Variants in MARCHF8 observed in about 807,000 individuals in gnomAD.
MARCHF8 encodes E3 ubiquitin-protein ligase MARCHF8.
In MARCHF8, 40 loss-of-function variants were observed where a neutral mutation model predicts 51.6. The ratio of observed to expected loss-of-function variants is 0.77; its 90% CI spans 0.60 to 1.01. MARCHF8 has a LOEUF of 1.01. Ranked by LOEUF, MARCHF8 falls within the 50% of genes least tolerant of loss-of-function variation. The probability of loss-of-function intolerance (pLI) is 0.00; values close to 1 mark genes in which losing one functional copy is unlikely to be tolerated. For missense variants in MARCHF8, 685 were observed against 708.6 expected, an observed-to-expected ratio of 0.97 and a Z score of 0.38; for synonymous variants, 263 against 280.3, an observed-to-expected ratio of 0.94 and a Z score of 0.62.
At chr10:45,538,172 T>G (rs977433322), upstream of MARCHF8, among the ~76,000 whole-genome samples, 14 of 152,152 alleles carry the variant, frequency 9.2e-5, no homozygotes, top group African/African-American at 3.4e-4. Context: ...TCAACATTCT[T>G]AAAGAAAAGA....
rs1241443105 is a variant in MARCHF8, at chr10:45,553,980, G to T, written c.-78-20691C>A. 2.0e-5 allele frequency among the ~76,000 whole-genome samples: 3 copies of T among 152,198 alleles called. No homozygotes were observed. The East Asian group carries it at 5.8e-4, about 29-fold the overall frequency. On this transcript the variant is annotated intron_variant, in intron 1 of 6. Transcript: ENST00000319836. ...AACCATGTATATGTTTTCCATAATT[G>T]TTTAAAAAATAATTGAAAAACTGTC... is the stretch of plus-strand genomic sequence containing the variant.
At chr10:45,520,888 T>A (rs772905693) in intron 2 of MARCHF8, among the ~76,000 whole-genome samples, 1 of 152,246 alleles carries the variant, frequency 6.6e-6, no homozygotes, top group Non-Finnish European at 1.5e-5. Flanking sequence ...TGTTGAATGA[T>A]ACACATTTCA....
At chr10:45,562,680 T>C (rs1216649560) in intron 1 of MARCHF8, among the ~76,000 whole-genome samples, 1 of 152,102 alleles carries the variant, frequency 6.6e-6, no homozygotes, top group African/African-American at 2.4e-5. Context: ...GAATATACTG[T>C]AGCAAAACAG....
chr10:45,469,110 T>TA (rs1843070864), intron 3 of MARCHF8, among the ~76,000 whole-genome samples: 1 of 151,764 alleles, frequency 6.6e-6, no homozygotes. Context: ...CAGCAATCAT[T>TA]AAAAAAATGG....
chr10:45,552,826 C>T (rs769855405), intron 1 of MARCHF8, among the ~76,000 whole-genome samples: 2 of 152,150 alleles, frequency 1.3e-5, no homozygotes, highest in Non-Finnish European at 2.9e-5. Context: ...TATCAAAAAC[C>T]TATTGTTTCA....
At chr10:45,573,710 T>C (rs1394409790) in intron 1 of MARCHF8, among the ~76,000 whole-genome samples, 1 of 152,210 alleles carries the variant, frequency 6.6e-6, no homozygotes, top group Admixed American at 6.5e-5. Context: ...AGAAGCCTCC[T>C]GGACCATCAC....
chr10:45,479,121 C>A (rs550047942), intron 3 of MARCHF8, among the ~76,000 whole-genome samples: 1 of 152,232 alleles, frequency 6.6e-6, no homozygotes, highest in African/African-American at 2.4e-5. Flanking sequence ...TAAAGCAAAT[C>A]CAATTGCACA....
Position 45,562,649 on chromosome 10 carries a change from T to TA in MARCHF8, c.-78-29361dup, listed in dbSNP as rs146717195. On this transcript the variant is annotated intron_variant, in intron 1 of 6. Coordinates refer to the MARCHF8 transcript ENST00000319836. ...CGTCCTTAGATAAGCTTATTTTTTT[T>TA]AAAAAAAAGAAACTTCAAAAGAATA... 3.6e-3 allele frequency among the ~76,000 whole-genome samples: 545 copies of TA among 151,602 alleles called. 11 individuals carry two copies. In the East Asian group the frequency reaches 0.052, roughly 15 times the overall value.
chr10:45,487,125 T>G (rs924278876), intron 3 of MARCHF8, among the ~76,000 whole-genome samples: 1 of 152,280 alleles, frequency 6.6e-6, no homozygotes, highest in South Asian at 2.1e-4. Flanking sequence ...CTACTTTTAC[T>G]GATAACTAAA....
At chr10:45,472,075 G>A (rs1370277376) in intron 3 of MARCHF8, among the ~76,000 whole-genome samples, 1 of 152,144 alleles carries the variant, frequency 6.6e-6, no homozygotes, top group Admixed American at 6.5e-5. Flanking sequence ...ACAGAAACAT[G>A]GCAGGCAGGA....
chr10:45,517,602 A>G (rs1245131491), intron 2 of MARCHF8, among the ~76,000 whole-genome samples: 3 of 152,230 alleles, frequency 2.0e-5, no homozygotes, highest in Non-Finnish European at 4.4e-5. Context: ...CAGAAGCTGA[A>G]CAGATGCCGG....
At chr10:45,577,535 A>C (rs748160349) in intron 1 of MARCHF8, among the ~76,000 whole-genome samples, 1 of 152,124 alleles carries the variant, frequency 6.6e-6, no homozygotes, top group Non-Finnish European at 1.5e-5. Flanking sequence ...TAAAAATATT[A>C]TTTAAAAAAG....
At chr10:45,537,559 G>A (rs2043990200), upstream of MARCHF8, among the ~76,000 whole-genome samples, 1 of 151,910 alleles carries the variant, frequency 6.6e-6, no homozygotes, top group African/African-American at 2.4e-5. Context: ...AGGCTGAGTT[G>A]GGAGGATCGC....
At chr10:45,550,528 T>C (rs150819655) in intron 1 of MARCHF8, among the ~76,000 whole-genome samples, 3 of 152,328 alleles carry the variant, frequency 2.0e-5, no homozygotes, top group African/African-American at 7.2e-5. Context: ...ACCAGTCAGC[T>C]GTCATCTCAG....
rs561386746 is a variant in MARCHF8 at position 45,503,247 on chromosome 10, A to T, written c.103-13830T>A. Among the ~76,000 whole-genome samples the T allele has an allele frequency of 2.6e-5, 4 of 152,274 alleles. No individual in the cohort carries two copies. In the South Asian group the frequency reaches 8.3e-4, roughly 32 times the overall value. ...GGAGAACTGACTTTTTAAAAAAACA[A>T]CCAATTATGGCCGGGCACGGTGGCT... On this transcript the variant is annotated intron_variant, in intron 2 of 7. Transcript: ENST00000453424.
At chr10:45,483,904 T>C (rs752351335) in intron 3 of MARCHF8, among the ~76,000 whole-genome samples, 2 of 152,092 alleles carry the variant, frequency 1.3e-5, no homozygotes, top group Non-Finnish European at 2.9e-5. Context: ...AGGGTGTGCA[T>C]GGAGGCAGGA....
intron 1 of MARCHF8, among the ~76,000 whole-genome samples, chr10:45,545,608 A>G (rs930105991): frequency 7.2e-5 from 11 of 152,244 alleles, no homozygotes; most frequent in Non-Finnish European, 1.6e-4. Context: ...GATGACAAGT[A>G]TAAGTAGTTA....
intron 2 of MARCHF8, among the ~76,000 whole-genome samples, chr10:45,502,553 A>G (rs912492106): frequency 1.3e-5 from 2 of 152,220 alleles, no homozygotes; most frequent in African/African-American, 4.8e-5. Flanking sequence ...GAGAGAAAAA[A>G]AGGATGCATT....
intron 3 of MARCHF8, among the ~76,000 whole-genome samples, chr10:45,488,522 G>A (rs1053834207): frequency 6.6e-6 from 1 of 152,076 alleles, no homozygotes; most frequent in South Asian, 2.1e-4. Context: ...CATTCCCCTG[G>A]AGACTATATG....
Sources: gnomAD v4.1 joint callset for allele counts (sites outside exome capture counted in the v4.1 genomes callset) on GRCh38, gnomAD v4.1.1 for gene constraint, MANE v1.5 for transcripts, NCBI Gene and HGNC (gene_info 2026-07-23, HGNC 2026-07-21) for gene names.